Variants in RBFOX1 observed in about 807,000 individuals in gnomAD.
RBFOX1 encodes RNA binding protein fox-1 homolog 1.
In RBFOX1, 8 loss-of-function variants were observed where a neutral mutation model predicts 57.7. That is an observed-to-expected ratio of 0.14 (90% CI 0.08 to 0.25). RBFOX1 has a LOEUF of 0.25. RBFOX1 is among the 10% of genes least tolerant of loss of function. The pLI is 1.00. For synonymous variants in RBFOX1, 326 were observed against 222.4 expected (o/e 1.47, Z -4.15); for missense variants, 611 against 548.5 (o/e 1.11, Z -1.14).
At chr16:5,625,553 T>TTTTTATTC in intron 3 of RBFOX1, among the ~76,000 whole-genome samples, 1 of 151,278 alleles carries the variant, frequency 6.6e-6, no homozygotes, top group Admixed American at 6.6e-5. Flanking sequence ...TTTACTTATT[T>TTTTTATTC]ATTTATTTAT....
chr16:7,017,296 G>C (rs1376324796), intron 3 of RBFOX1, among the ~76,000 whole-genome samples: 1 of 152,096 alleles, frequency 6.6e-6, no homozygotes, highest in African/African-American at 2.4e-5. Flanking sequence ...GGCAAATAAT[G>C]GAAATTTATA....
intron 2 of RBFOX1, among the ~76,000 whole-genome samples, chr16:5,587,938 C>T (rs1478418866): frequency 1.3e-5 from 2 of 152,030 alleles, no homozygotes; most frequent in Admixed American, 6.6e-5. Context: ...TTTTTCATAG[C>T]CAAAAGGTGA....
chr16:6,076,578 C>A (rs1469049441), intron 1 of RBFOX1, among the ~76,000 whole-genome samples: 1 of 152,036 alleles, frequency 6.6e-6, no homozygotes, highest in Non-Finnish European at 1.5e-5. Flanking sequence ...AGTGATCCTC[C>A]CACCTCTGCC....
At chr16:6,789,839 T>C (rs75577629) in intron 3 of RBFOX1, among the ~76,000 whole-genome samples, 14,530 of 151,992 alleles carry the variant, frequency 0.096, 1,059 homozygotes, top group Admixed American at 0.21. Context: ...TCTCCCACCT[T>C]TTTCTTCATT....
At chr16:7,525,996 G>T (rs1779415957) in intron 5 of RBFOX1, among the ~76,000 whole-genome samples, 1 of 152,124 alleles carries the variant, frequency 6.6e-6, no homozygotes, top group African/African-American at 2.4e-5. Flanking sequence ...AGCCTGTTGG[G>T]AACTGAGCTG....
At chr16:5,984,497 C>T (rs145934569) in intron 4 of RBFOX1, among the ~76,000 whole-genome samples, 2 of 151,996 alleles carry the variant, frequency 1.3e-5, no homozygotes, top group East Asian at 2.0e-4. Context: ...TGAGCATTGT[C>T]TGTGTGGCAG....
intron 4 of RBFOX1, among the ~76,000 whole-genome samples, chr16:5,911,625 A>G (rs1417355962): frequency 6.6e-6 from 1 of 152,166 alleles, no homozygotes; most frequent in Non-Finnish European, 1.5e-5. Context: ...GTTTGGGCTG[A>G]TGTAACAAAA....
chr16:6,272,337 T>C (rs777756611), intron 1 of RBFOX1, among the ~76,000 whole-genome samples: 2 of 152,200 alleles, frequency 1.3e-5, no homozygotes, highest in African/African-American at 2.4e-5. Context: ...GCTGACATGC[T>C]GATACCACAA....
At chr16:5,629,792 G>A (rs990501223) in intron 3 of RBFOX1, among the ~76,000 whole-genome samples, 1 of 152,224 alleles carries the variant, frequency 6.6e-6, no homozygotes, top group Non-Finnish European at 1.5e-5. Context: ...GGAAGCAACA[G>A]AGCCAAATGG....
At chr16:6,795,625 GCA>G (rs1567279332) in intron 3 of RBFOX1, among the ~76,000 whole-genome samples, 1 of 151,998 alleles carries the variant, frequency 6.6e-6, no homozygotes, top group Non-Finnish European at 1.5e-5. Context: ...AATTAGCCTG[GCA>G]TGGTTGGGGG....
intron 2 of RBFOX1, among the ~76,000 whole-genome samples, chr16:6,358,043 G>A (rs1860562): frequency 0.029 from 4,417 of 152,066 alleles, 228 homozygotes; most frequent in African/African-American, 0.098. Context: ...CTGAAGTTTC[G>A]GCTTCATCAA....
intron 3 of RBFOX1, among the ~76,000 whole-genome samples, chr16:6,729,193 C>G (rs147677382): frequency 6.6e-6 from 1 of 151,992 alleles, no homozygotes; most frequent in African/African-American, 2.4e-5. Flanking sequence ...ATAGACTTAC[C>G]TGGGAGATAT....
chr16:6,962,629 C>T (rs551634974), intron 3 of RBFOX1, among the ~76,000 whole-genome samples: 1 of 152,072 alleles, frequency 6.6e-6, no homozygotes, highest in African/African-American at 2.4e-5. Flanking sequence ...CTTTGGGAGG[C>T]CGAGGCCGGT....
At chr16:7,272,504 A>G (rs2095343501) in intron 4 of RBFOX1, among the ~76,000 whole-genome samples, 1 of 152,182 alleles carries the variant, frequency 6.6e-6, no homozygotes, top group Non-Finnish European at 1.5e-5. Context: ...TAGTTTAGAC[A>G]TATATGTTGC....
At chr16:6,349,788 T>C (rs1410152293) in intron 2 of RBFOX1, among the ~76,000 whole-genome samples, 1 of 152,186 alleles carries the variant, frequency 6.6e-6, no homozygotes, top group Non-Finnish European at 1.5e-5. Flanking sequence ...TCTCCATTTT[T>C]CCCCATGGTT....
intron 1 of RBFOX1, among the ~76,000 whole-genome samples, chr16:5,445,820 A>G (rs2068223243): frequency 6.6e-6 from 1 of 152,258 alleles, no homozygotes; most frequent in Non-Finnish European, 1.5e-5. Context: ...TATATGCTAA[A>G]TCGCTTTTAA....
At chr16:5,796,733 G>C (rs2054892275) in intron 3 of RBFOX1, among the ~76,000 whole-genome samples, 1 of 152,166 alleles carries the variant, frequency 6.6e-6, no homozygotes, top group South Asian at 2.1e-4. Flanking sequence ...ATTTGCCTGT[G>C]GTCATCCAGC....
intron 4 of RBFOX1, among the ~76,000 whole-genome samples, chr16:5,888,269 C>G (rs2057949634): frequency 6.6e-6 from 1 of 152,186 alleles, no homozygotes; most frequent in African/African-American, 2.4e-5. Context: ...CTGTGGGCCA[C>G]CTTTTCTCCA....
chr16:6,657,854 A>G (rs1381335969), intron 3 of RBFOX1, among the ~76,000 whole-genome samples: 1 of 151,954 alleles, frequency 6.6e-6, no homozygotes, highest in Non-Finnish European at 1.5e-5. Flanking sequence ...ATTTTACTTT[A>G]GTTAAGGGAG....
Sources: allele counts gnomAD v4.1 joint callset (sites outside exome capture counted in the v4.1 genomes callset), GRCh38; gene constraint gnomAD v4.1.1; transcripts MANE v1.5; gene names NCBI Gene and HGNC (gene_info 2026-07-23, HGNC 2026-07-21).